CSMD3: variants seen among roughly 807,000 people sequenced by gnomAD.
The protein encoded by CSMD3 is CUB and Sushi multiple domains 3.
In CSMD3, 177 loss-of-function variants were observed where a neutral mutation model predicts 435.2. The observed-to-expected ratio is 0.41, with a 90% CI of 0.36 to 0.46. The LOEUF (loss-of-function observed/expected upper bound fraction) is 0.46, where lower values mean the gene tolerates loss of function less well. Ranked by LOEUF, CSMD3 falls within the 20% of genes least tolerant of loss-of-function variation. CSMD3 has a pLI of 0.34. For missense variants in CSMD3, 4,265 were observed against 4,504.6 expected (o/e 0.95, Z 1.52); for synonymous variants, 1,656 against 1,520.5 (o/e 1.09, Z -2.07).
At chr8:112,501,771 A>G (rs968912779) in intron 30 of CSMD3, among the ~76,000 whole-genome samples, 4 of 152,212 alleles carry the variant, frequency 2.6e-5, no homozygotes, top group Non-Finnish European at 5.9e-5. Flanking sequence ...CATTTCTGGT[A>G]GTAATAAACC....
intron 28 of CSMD3, among the ~76,000 whole-genome samples, chr8:112,509,974 T>G (rs1822934113): frequency 6.6e-6 from 1 of 152,130 alleles, no homozygotes; most frequent in Non-Finnish European, 1.5e-5. Context: ...TTAAATTGGC[T>G]TCTTTTCCTA....
At chr8:113,290,077 T>TA (rs1365935061) in intron 2 of CSMD3, among the ~76,000 whole-genome samples, 1 of 151,784 alleles carries the variant, frequency 6.6e-6, no homozygotes, top group Non-Finnish European at 1.5e-5. Flanking sequence ...TGCCAACAAA[T>TA]AATAAATAAT....
chr8:113,265,835 G>C (rs78777139), intron 3 of CSMD3, among the ~76,000 whole-genome samples: 5,000 of 151,428 alleles, frequency 0.033, 106 homozygotes, highest in Middle Eastern at 0.061. Flanking sequence ...TGACTTTATG[G>C]GCCTCTAAAG....
chr8:112,698,368 T>C (rs1410265287), intron 13 of CSMD3, among the ~76,000 whole-genome samples: 3 of 152,148 alleles, frequency 2.0e-5, no homozygotes, highest in Non-Finnish European at 4.4e-5. Context: ...CACACATATG[T>C]ACACATATAT....
chr8:112,572,253 T>C (rs1829591485), intron 24 of CSMD3, among the ~76,000 whole-genome samples: 1 of 152,082 alleles, frequency 6.6e-6, no homozygotes. Context: ...AGAAATCACA[T>C]TGTACACACA....
intron 13 of CSMD3, among the ~76,000 whole-genome samples, chr8:112,790,263 A>G (rs2078653656): frequency 6.6e-6 from 1 of 152,038 alleles, no homozygotes; most frequent in South Asian, 2.1e-4. Flanking sequence ...CCTGACTCTA[A>G]TCAGGAATAT....
intron 1 of CSMD3, among the ~76,000 whole-genome samples, chr8:113,323,154 T>A (rs866681065): frequency 2.0e-4 from 31 of 152,154 alleles, no homozygotes; most frequent in African/African-American, 6.3e-4. Context: ...CTAATCACTG[T>A]CTGAAATTAT....
At chr8:112,453,052 A>G (rs1171463219) in intron 32 of CSMD3, among the ~76,000 whole-genome samples, 1 of 152,154 alleles carries the variant, frequency 6.6e-6, no homozygotes, top group Non-Finnish European at 1.5e-5. Flanking sequence ...ACTCTTGGTA[A>G]AAAGGCAAGA....
chr8:112,824,954 G>C (rs981975425), intron 12 of CSMD3, among the ~76,000 whole-genome samples: 12 of 152,024 alleles, frequency 7.9e-5, no homozygotes, highest in African/African-American at 2.7e-4. Flanking sequence ...TCAATCATAG[G>C]TTCAGTCTTT....
In CSMD3 at chr8:112,352,479, A is replaced by G; in HGVS notation, c.6192T>C (p.Ile2064=). Residue 2064 remains isoleucine (I), a synonymous_variant, in exon 39 of 71, where the codon ATT becomes ATC. Transcript: ENST00000297405. ...CATCTCCAACCATATATCTGTCTCC[A>G]ATTTTAATTCCACTGCTAGGAGTTT... The part of the protein sequence containing the change: ...EPQTPSSGIK[I]GDRYMVGDVV... 6.2e-7 allele frequency: 1 copy of G among 1,613,716 alleles called. No homozygotes were observed. Among genetic ancestry groups the G allele is most frequent in the Non-Finnish European group, 8.5e-7 (1 of 1,179,762 alleles).
At chr8:112,831,960 T>C (rs1018883991) in intron 11 of CSMD3, among the ~76,000 whole-genome samples, 1 of 152,210 alleles carries the variant, frequency 6.6e-6, no homozygotes, top group Non-Finnish European at 1.5e-5. Context: ...TTATGGATAC[T>C]AATCCCTTAC....
chr8:112,944,397 C>T (rs987322562), intron 9 of CSMD3, among the ~76,000 whole-genome samples: 1 of 151,600 alleles, frequency 6.6e-6, no homozygotes, highest in Non-Finnish European at 1.5e-5. Context: ...TACCTCTACC[C>T]TCTCTTTCCA....
chr8:113,340,810 A>G (rs1171027149), intron 1 of CSMD3, among the ~76,000 whole-genome samples: 2 of 151,884 alleles, frequency 1.3e-5, no homozygotes, highest in African/African-American at 4.8e-5. Flanking sequence ...CGGAGGTTGC[A>G]GTGAACTGAG....
intron 4 of CSMD3, among the ~76,000 whole-genome samples, chr8:113,115,408 G>A (rs186816274): frequency 2.6e-5 from 4 of 152,280 alleles, no homozygotes; most frequent in Admixed American, 6.5e-5. Flanking sequence ...AAATCAAGAA[G>A]AGAACATTAG....
At chr8:112,983,996 A>G (rs1479077560) in intron 6 of CSMD3, among the ~76,000 whole-genome samples, 1 of 152,080 alleles carries the variant, frequency 6.6e-6, no homozygotes, top group South Asian at 2.1e-4. Flanking sequence ...TGTAGCAGCA[A>G]ATTAATTAGT....
At chr8:112,956,732 C>A (rs1281953379) in intron 7 of CSMD3, among the ~76,000 whole-genome samples, 1 of 152,010 alleles carries the variant, frequency 6.6e-6, no homozygotes, top group Admixed American at 6.6e-5. Context: ...TAAAAGGGGA[C>A]AGATTAGCAT....
intron 1 of CSMD3, among the ~76,000 whole-genome samples, chr8:113,387,310 CTG>C (rs1482197580): frequency 6.6e-6 from 1 of 151,658 alleles, no homozygotes; most frequent in Non-Finnish European, 1.5e-5. Context: ...TTTTTGTAAA[CTG>C]TAAAATGTAA....
intron 1 of CSMD3, among the ~76,000 whole-genome samples, chr8:113,320,580 ACT>A (rs1384415628): frequency 2.0e-5 from 3 of 152,042 alleles, no homozygotes; most frequent in Non-Finnish European, 4.4e-5. Context: ...TGTTGACATG[ACT>A]CTTGCAAAAA....
At chr8:113,259,995 TTA>T (rs1455880548) in intron 3 of CSMD3, among the ~76,000 whole-genome samples, 1 of 152,114 alleles carries the variant, frequency 6.6e-6, no homozygotes, top group African/African-American at 2.4e-5. Flanking sequence ...TCTAATGTTT[TTA>T]TCAGGGATTT....
Sources: gnomAD v4.1 joint callset for allele counts (sites outside exome capture counted in the v4.1 genomes callset) on GRCh38, gnomAD v4.1.1 for gene constraint, MANE v1.5 for transcripts, NCBI Gene and HGNC (gene_info 2026-07-23, HGNC 2026-07-21) for gene names.